The following GAS2L3 variants were observed in gnomAD, a reference collection of about 807,000 sequenced individuals.
GAS2L3 encodes growth arrest specific 2 like 3.
GAS2L3 carries 28 observed loss-of-function variants against 37.0 expected under a neutral mutation model. The observed-to-expected ratio is 0.76, with a 90% CI of 0.56 to 1.04. The LOEUF is 1.04. Among genes scored for constraint, GAS2L3 ranks in the 50% least tolerant of loss-of-function variants. The pLI is 0.00. For missense variants in GAS2L3, 793 were observed against 817.6 expected (o/e 0.97, Z 0.37); for synonymous variants, 290 against 296.6 (o/e 0.98, Z 0.23).
intron 6 of GAS2L3, among the ~76,000 whole-genome samples, chr12:100,613,830 A>G (rs529035578): frequency 6.6e-6 from 1 of 152,022 alleles, no homozygotes; most frequent in South Asian, 2.1e-4. Flanking sequence ...TCCTGACCTC[A>G]TGATCTGCCA....
At chr12:100,582,174 G>A (rs1955721348) in intron 1 of GAS2L3, among the ~76,000 whole-genome samples, 1 of 152,220 alleles carries the variant, frequency 6.6e-6, no homozygotes, top group Admixed American at 6.5e-5. Context: ...GGTAGGTAGT[G>A]GAAAATTACG....
chr12:100,579,498 A>G, intron 1 of GAS2L3: 1 of 772,778 alleles, frequency 1.3e-6, no homozygotes, highest in Non-Finnish European at 2.4e-6. Flanking sequence ...CTCTTGTCAG[A>G]AATATTAAGA....
rs757183844 is a variant in GAS2L3, at chr12:100,624,140, G to T, written c.1335G>T (p.Lys445Asn). 76 of 1,612,828 alleles carry T rather than the reference G, an allele frequency of 4.7e-5. No homozygotes were observed. The highest frequency in any genetic ancestry group is 6.2e-5 in the Non-Finnish European group (73 of 1,179,856). Reference sequence around the variant, plus strand: ...CATCCCCCAATACCCCCAAGGCCAAGGTTATTCCAGCCCAGAATTCAGCAG... The same window carrying T: ...CATCCCCCAATACCCCCAAGGCCAATGTTATTCCAGCCCAGAATTCAGCAG... ...CISSPNTPKA[K>N]VIPAQNSADL... Residue 445 changes from lysine (K) to asparagine (N), a missense_variant, in exon 10 of 10, where the codon AAG (lysine) becomes AAT (asparagine). By Grantham distance (94) the Lys-to-Asn change is moderately conservative. Coordinates refer to ENST00000547754, the MANE Select transcript of GAS2L3 (RefSeq NM_174942.3).
chr12:100,579,456 G>A (rs966115134), intron 1 of GAS2L3: 2 of 825,888 alleles, frequency 2.4e-6, no homozygotes, highest in Admixed American at 3.7e-5. Flanking sequence ...TACAGAAAGG[G>A]AACAAATTTG....
chr12:100,596,150 C>T (rs1955909127), intron 3 of GAS2L3, among the ~76,000 whole-genome samples: 1 of 152,014 alleles, frequency 6.6e-6, no homozygotes, highest in South Asian at 2.1e-4. Flanking sequence ...ATGACTGTCT[C>T]CCAGAAGGTC....
intron 1 of GAS2L3, among the ~76,000 whole-genome samples, chr12:100,589,378 A>C (rs1955818810): frequency 6.6e-6 from 1 of 152,124 alleles, no homozygotes. Context: ...GGAGTCAAAG[A>C]CCTCTACAAG....
In GAS2L3 at chr12:100,623,981, G is replaced by A. The variant is rs149111615; in HGVS notation, c.1176G>A (p.Thr392=). The change falls in exon 10 of 10, where the codon ACG becomes ACA. Residue 392 remains threonine, a synonymous_variant. Transcript: ENST00000547754. ...AGCTCAAGTCTTCAAAAGGCATAAC[G>A]AAGAAACCGCAGGCTCCTTCAAACA... is the stretch of plus-strand genomic sequence containing the variant. The part of the protein sequence containing the change: ...HPKLKSSKGI[T]KKPQAPSNNA... 2.9e-5 allele frequency: 46 copies of A among 1,613,920 alleles called. No homozygotes were observed. The African/African-American group carries it at 4.8e-4, about 17-fold the overall frequency.
intron 5 of GAS2L3, among the ~76,000 whole-genome samples, chr12:100,603,666 G>C (rs914435976): frequency 6.6e-6 from 1 of 151,988 alleles, no homozygotes; most frequent in Admixed American, 6.6e-5. Context: ...TGATTTGGTT[G>C]CTTCTGCTTA....
intron 3 of GAS2L3, 32 bp downstream of exon 3, chr12:100,594,954 T>C: frequency 9.7e-7 from 1 of 1,030,748 alleles, no homozygotes; most frequent in Non-Finnish European, 1.4e-6. Context: ...AATATTTAAA[T>C]TATGAGATTA....
intron 9 of GAS2L3, 99 bp from the exon 10 acceptor site, chr12:100,623,463 T>C: frequency 9.1e-7 from 1 of 1,099,768 alleles, no homozygotes; most frequent in East Asian, 2.4e-5. Flanking sequence ...TGCTCTGAAT[T>C]TTATAGATCA....
At chr12:100,593,648 T>C (rs1271525708) in intron 2 of GAS2L3, 2 of 152,106 alleles carry the variant, frequency 1.3e-5, no homozygotes, top group African/African-American at 4.8e-5. Flanking sequence ...AGGAGCAGCT[T>C]CTTTGCTGCA....
intron 5 of GAS2L3, among the ~76,000 whole-genome samples, chr12:100,603,943 T>C (rs1956024196): frequency 6.6e-6 from 1 of 152,094 alleles, no homozygotes; most frequent in Admixed American, 6.6e-5. Flanking sequence ...TCACTGTAGT[T>C]ATCTGGATTT....
At chr12:100,614,336 G>A (rs749579684) in intron 6 of GAS2L3, among the ~76,000 whole-genome samples, 49 of 152,012 alleles carry the variant, frequency 3.2e-4, no homozygotes, top group African/African-American at 8.7e-4. Context: ...GGTGGTGCAC[G>A]CCTGTAGTCC....
chr12:100,602,029 CAAATT>C (rs1323382307), intron 5 of GAS2L3, among the ~76,000 whole-genome samples: 1 of 152,028 alleles, frequency 6.6e-6, no homozygotes. Flanking sequence ...AGAGTTCAAT[CAAATT>C]AAATGGGTGA....
At chr12:100,618,711 C>A (rs1010680372) in intron 8 of GAS2L3, 124 bp downstream of exon 8, 1 of 833,418 alleles carries the variant, frequency 1.2e-6, no homozygotes, top group Non-Finnish European at 1.8e-6. Context: ...GAATATAAAC[C>A]GGTACTATTC....
intron 1 of GAS2L3, among the ~76,000 whole-genome samples, chr12:100,585,021 T>G (rs1662158498): frequency 6.7e-6 from 1 of 149,802 alleles, no homozygotes; most frequent in South Asian, 2.1e-4. Flanking sequence ...CCCAAGTAGC[T>G]GGGACTACAG....
In GAS2L3 at chr12:100,627,114, A is replaced by G. The variant is rs1956340277; in HGVS notation, c.*2224A>G. On this transcript the variant is annotated 3_prime_UTR_variant, in exon 10 of 10. Coordinates refer to ENST00000547754, the MANE Select transcript of GAS2L3 (RefSeq NM_174942.3). ...AAAAAAAAAAAAAAAGAAAAAGAAA[A>G]GAAAAAGGTTTATTTGAATAATTGG... is the stretch of plus-strand genomic sequence containing the variant. 6.6e-6 allele frequency among the ~76,000 whole-genome samples: 1 copy of G among 151,748 alleles called. No homozygotes were observed. The highest frequency in any genetic ancestry group is 6.6e-5 in the Admixed American group (1 of 15,232).
At chr12:100,598,607 C>A (rs1308037390) in intron 3 of GAS2L3, among the ~76,000 whole-genome samples, 1 of 151,898 alleles carries the variant, frequency 6.6e-6, no homozygotes, top group African/African-American at 2.4e-5. Context: ...TGTAAAAATC[C>A]CATTCTTGTT....
intron 6 of GAS2L3, among the ~76,000 whole-genome samples, chr12:100,616,028 G>A (rs993025361): frequency 6.6e-6 from 1 of 152,126 alleles, no homozygotes; most frequent in African/African-American, 2.4e-5. Context: ...AAAAAAAGGG[G>A]TGTTGTAATT....
Sources: allele counts gnomAD v4.1 joint callset (sites outside exome capture counted in the v4.1 genomes callset), GRCh38; gene constraint gnomAD v4.1.1; transcripts MANE v1.5; gene names NCBI Gene and HGNC (gene_info 2026-07-23, HGNC 2026-07-21).